The following PDK1 variants were observed in gnomAD, a reference collection of about 807,000 sequenced individuals.
PDK1 encodes [Pyruvate dehydrogenase (acetyl-transferring)] kinase isozyme 1, mitochondrial.
PDK1 carries 39 observed loss-of-function variants against 54.2 expected under a neutral mutation model. The observed-to-expected ratio is 0.72, with a 90% CI of 0.56 to 0.94. PDK1 has a LOEUF of 0.94. Among genes scored for constraint, PDK1 ranks in the 40% least tolerant of loss-of-function variants. The probability of loss-of-function intolerance (pLI) is 0.00; values close to 1 mark genes in which losing one functional copy is unlikely to be tolerated. For missense variants in PDK1, 552 were observed against 566.0 expected (o/e 0.98, Z 0.25); for synonymous variants, 221 against 207.1 (o/e 1.07, Z -0.58).
chr2:172,632,652 T>A, the PDK1 span, among the ~76,000 whole-genome samples: 1 of 152,156 alleles, frequency 6.6e-6, no homozygotes, highest in Non-Finnish European at 1.5e-5. Flanking sequence ...TCCACCTGTC[T>A]CCTTTGTGGT....
chr2:172,678,676 A>G, the PDK1 span, among the ~76,000 whole-genome samples: 1 of 152,156 alleles, frequency 6.6e-6, no homozygotes, highest in South Asian at 2.1e-4. Flanking sequence ...TTCTTTCCCC[A>G]ATTTAAGAAA....
chr2:172,680,796 C>T, the PDK1 span, among the ~76,000 whole-genome samples: 1 of 152,214 alleles, frequency 6.6e-6, no homozygotes, highest in Non-Finnish European at 1.5e-5. Flanking sequence ...GGGAATAAGA[C>T]AATGGGTATT....
chr2:172,578,399 C>A (rs1367322127), intron 8 of PDK1, among the ~76,000 whole-genome samples: 2 of 152,022 alleles, frequency 1.3e-5, no homozygotes, highest in Non-Finnish European at 2.9e-5. Flanking sequence ...CAACTTAGTT[C>A]TCTTATATAA....
chr2:172,568,327 CA>C (rs11400625), intron 6 of PDK1, among the ~76,000 whole-genome samples: 2,450 of 57,110 alleles, frequency 0.043, 9 homozygotes, highest in East Asian at 0.069. Context: ...GACTCCGTCT[CA>C]AAAAAAAAAA....
At chr2:172,656,365 C>G in the PDK1 span, among the ~76,000 whole-genome samples, 1 of 152,172 alleles carries the variant, frequency 6.6e-6, no homozygotes, top group Non-Finnish European at 1.5e-5. Context: ...GGGACACATT[C>G]TACAGTCCTA....
chr2:172,689,582 C>G, the PDK1 span, among the ~76,000 whole-genome samples: 5 of 152,188 alleles, frequency 3.3e-5, no homozygotes, highest in African/African-American at 1.2e-4. Flanking sequence ...AGGGATCATG[C>G]TACCTGATTT....
At chr2:172,694,205 G>T in the PDK1 span, among the ~76,000 whole-genome samples, 1 of 152,218 alleles carries the variant, frequency 6.6e-6, no homozygotes, top group Non-Finnish European at 1.5e-5. Context: ...ATTGAGGGAA[G>T]AGAACTGCAT....
At chr2:172,685,865 C>CA in the PDK1 span, among the ~76,000 whole-genome samples, 68 of 152,130 alleles carry the variant, frequency 4.5e-4, no homozygotes, top group Non-Finnish European at 7.6e-4. Context: ...TATTGCTGCT[C>CA]AAAAAAATCT....
downstream of PDK1, among the ~76,000 whole-genome samples, chr2:172,610,735 C>T (rs1558969161): frequency 6.6e-6 from 1 of 152,120 alleles, no homozygotes; most frequent in Non-Finnish European, 1.5e-5. Flanking sequence ...CTCAGCCTCC[C>T]AAGTAGCTGA....
At chr2:172,673,819 A>G in the PDK1 span, among the ~76,000 whole-genome samples, 44,294 of 152,104 alleles carry the variant, frequency 0.29, 8,040 homozygotes, top group East Asian at 0.56. Flanking sequence ...ATTACTCTCA[A>G]TTGGTCCCAT....
the PDK1 span, among the ~76,000 whole-genome samples, chr2:172,684,789 T>C: frequency 6.6e-6 from 1 of 152,204 alleles, no homozygotes. Context: ...TGCTGACGAT[T>C]TTGGCCTCCT....
the PDK1 span, among the ~76,000 whole-genome samples, chr2:172,722,128 A>G: frequency 6.6e-6 from 1 of 152,252 alleles, no homozygotes; most frequent in Non-Finnish European, 1.5e-5. Flanking sequence ...GTGGATGCAA[A>G]TGCCCACAGT....
At chr2:172,657,895 A>G in the PDK1 span, among the ~76,000 whole-genome samples, 3 of 152,228 alleles carry the variant, frequency 2.0e-5, no homozygotes, top group Admixed American at 6.5e-5. Flanking sequence ...TGCAAGAAAC[A>G]TGATGCCGGC....
chr2:172,698,865 T>C, the PDK1 span, among the ~76,000 whole-genome samples: 2 of 152,196 alleles, frequency 1.3e-5, no homozygotes, highest in African/African-American at 2.4e-5. Flanking sequence ...ACTGGTGTTT[T>C]TTGTTTCTTA....
At chr2:172,571,318 T>A (rs1250549686) in intron 8 of PDK1, among the ~76,000 whole-genome samples, 1 of 152,220 alleles carries the variant, frequency 6.6e-6, no homozygotes, top group Middle Eastern at 3.2e-3. Flanking sequence ...TCCAGTCTTC[T>A]GTCCCCAGTG....
chr2:172,637,743 T>C, the PDK1 span, among the ~76,000 whole-genome samples: 1 of 152,178 alleles, frequency 6.6e-6, no homozygotes, highest in Non-Finnish European at 1.5e-5. Context: ...TCGTCCAGGC[T>C]AGAGTGTAGT....
At chr2:172,644,925 C>T in the PDK1 span, among the ~76,000 whole-genome samples, 1 of 116,294 alleles carries the variant, frequency 8.6e-6, no homozygotes, top group South Asian at 3.5e-4. Context: ...TCTTTATGCC[C>T]TTGGTTTTCT....
At chr2:172,667,894 C>T in the PDK1 span, among the ~76,000 whole-genome samples, 1 of 152,142 alleles carries the variant, frequency 6.6e-6, no homozygotes, top group Non-Finnish European at 1.5e-5. Context: ...GTGGCAAAAC[C>T]GGGAATTGAT....
chr2:172,658,202 T>C, the PDK1 span, among the ~76,000 whole-genome samples: 91 of 152,254 alleles, frequency 6.0e-4, 1 homozygote, highest in South Asian at 0.013. Flanking sequence ...TGAGATTTGG[T>C]GAAAACAAAC....
Sources: gnomAD v4.1 joint callset for allele counts (sites outside exome capture counted in the v4.1 genomes callset) on GRCh38, gnomAD v4.1.1 for gene constraint, MANE v1.5 for transcripts, NCBI Gene and HGNC (gene_info 2026-07-23, HGNC 2026-07-21) for gene names.